Variants in UGGT1 observed in about 807,000 individuals in gnomAD.
UGGT1 encodes the protein UDP-glucose glycoprotein glucosyltransferase 1, also known as UDP-glucose:glycoprotein glucosyltransferase 1.
A neutral mutation model predicts 203.9 loss-of-function variants in UGGT1; 107 were observed. The observed-to-expected ratio is 0.52, with a 90% CI of 0.45 to 0.62. The LOEUF (loss-of-function observed/expected upper bound fraction) is 0.62, where lower values mean the gene tolerates loss of function less well. UGGT1 is among the 20% of genes least tolerant of loss of function. The pLI, the probability that UGGT1 is intolerant of heterozygous loss-of-function variation, is 0.00. For missense variants in UGGT1, 1,673 were observed against 1,867.2 expected (o/e 0.90, Z 1.92); for synonymous variants, 628 against 653.5 (o/e 0.96, Z 0.59).
Position 128,152,877 on chromosome 2 carries a change from C to T in UGGT1, c.2110C>T (p.Arg704Ter). 6.2e-7 allele frequency: 1 copy of T among 1,613,842 alleles called. No individual in the cohort carries two copies. Among genetic ancestry groups the T allele is most frequent in the African/African-American group, 1.3e-5 (1 of 74,972 alleles). Residue 704 changes from arginine (R) to a stop codon, truncating the protein, a stop_gained, in exon 19 of 41, where the codon CGA (arginine) becomes TGA (stop). Transcript: ENST00000259253. LOFTEE classifies it high-confidence loss of function. ...CAATTCTAGGATTTTGACAGCTGAA[C>T]GAGACTACCTGGATTTAACAGCGAG... ...RINSRILTAE[R>*]DYLDLTASNN... is the part of the protein sequence containing the mutation.
Position 128,133,161 on chromosome 2 carries a change from T to G in UGGT1, c.1398T>G (p.Val466=), listed in dbSNP as rs551771725. ...TGTAGTGGGTCAACAACCTGGAGGT[T>G]GATAGCAGATATAATTCGTGGCCTT... ...PAISWVNNLE[V]DSRYNSWPSS... Residue 466 remains valine, a synonymous_variant, in exon 14 of 41, where the codon GTT becomes GTG. Transcript: ENST00000259253. The G allele has an allele frequency of 6.2e-6, 10 of 1,614,090 alleles. No individual in the cohort carries two copies. In the East Asian group the frequency reaches 2.0e-4, roughly 32 times the overall value.
intron 31 of UGGT1, among the ~76,000 whole-genome samples, 178 bp from the exon 32 acceptor site, chr2:128,176,636 T>C (rs549438454): frequency 1.3e-5 from 2 of 152,276 alleles, no homozygotes; most frequent in Admixed American, 6.5e-5. Flanking sequence ...ATGCACCTTA[T>C]ATAAAGAGAG....
At chr2:128,153,074 A>G (rs1690052293) in intron 19 of UGGT1, among the ~76,000 whole-genome samples, 170 bp downstream of exon 19, 1 of 151,838 alleles carries the variant, frequency 6.6e-6, no homozygotes, top group Non-Finnish European at 1.5e-5. Context: ...TCATAATATG[A>G]GATTCTAAAT....
At chr2:128,169,739 CT>C (rs1396143203) in intron 26 of UGGT1, among the ~76,000 whole-genome samples, 8 of 152,196 alleles carry the variant, frequency 5.3e-5, no homozygotes, top group Non-Finnish European at 7.3e-5. Context: ...ATGTGGAAAT[CT>C]TTATGCTACA....
At chr2:128,140,573 G>A (rs1422246994) in intron 16 of UGGT1, 3 of 152,202 alleles carry the variant, frequency 2.0e-5, no homozygotes, top group African/African-American at 7.2e-5. Flanking sequence ...GACCATTGAA[G>A]CCAGGCTCCA....
At chr2:128,095,198 G>A (rs990363488) in intron 1 of UGGT1, among the ~76,000 whole-genome samples, 1 of 152,050 alleles carries the variant, frequency 6.6e-6, no homozygotes, top group Non-Finnish European at 1.5e-5. Context: ...GTTTCATTGT[G>A]TAAAATCTAG....
chr2:128,171,050 G>T lies in UGGT1; in HGVS notation c.3025-155G>T, dbSNP rs527444171. 7.2e-5 allele frequency among the ~76,000 whole-genome samples: 11 copies of T among 152,320 alleles called. No homozygotes were observed. In the South Asian group the frequency reaches 2.1e-3, roughly 29 times the overall value. Reference sequence around the variant, plus strand: ...GTCCTATGTATGTGTGATGTAGATTGTGCAGTAGAGTTGTGATTTCCAGAA... The same window carrying T: ...GTCCTATGTATGTGTGATGTAGATTTTGCAGTAGAGTTGTGATTTCCAGAA... On this transcript the variant is annotated intron_variant, in intron 27 of 40. Transcript: ENST00000259253.
chr2:128,142,568 GAGTGAGACTCCATCT>G (rs1689487952), intron 16 of UGGT1, among the ~76,000 whole-genome samples: 2 of 142,598 alleles, frequency 1.4e-5, no homozygotes, highest in African/African-American at 2.6e-5. Context: ...CTGGGTGACA[GAGTGAGACTCCATCT>G]CAAAAAAAAA....
chr2:128,189,838 C>T lies in UGGT1; in HGVS notation c.*96C>T, dbSNP rs867177707. ...TCTGTCTATACAACTGCTGATAAGC[C>T]GGCTGGGCAGGAGTGCCACACCTTT... On this transcript the variant is annotated 3_prime_UTR_variant, in exon 41 of 41. Transcript: ENST00000259253. The T allele has an allele frequency of 1.8e-5, 26 of 1,437,526 alleles. No homozygotes were observed. In the East Asian group the frequency reaches 2.1e-4, roughly 12 times the overall value. 89.0% of individuals were successfully genotyped at this position (1,437,526 alleles called of 1,614,324 possible).
At chr2:128,159,308 C>T (rs1049990992) in intron 22 of UGGT1, among the ~76,000 whole-genome samples, 6 of 151,822 alleles carry the variant, frequency 4.0e-5, no homozygotes, top group African/African-American at 1.2e-4. Context: ...ACTCTGTTGG[C>T]CAGGCTGGTC....
At position 128,091,250 on chromosome 2, in the gene UGGT1, G is replaced by C. The variant is rs1686841192; in HGVS notation, c.-108G>C. On this transcript the variant is annotated 5_prime_UTR_variant, in exon 1 of 41. Coordinates refer to ENST00000259253, the MANE Select transcript of UGGT1 (RefSeq NM_020120.4). The stretch of plus-strand genomic sequence containing the variant: ...GGGTGTTGAGTCGAGCCGCGGGAAA[G>C]GCGCGTGTCGGCCTCTCACTGGCGC... The C allele has an allele frequency of 8.2e-7, 1 of 1,226,666 alleles. No homozygotes were observed. Among genetic ancestry groups the C allele is most frequent in the Non-Finnish European group, 1.1e-6 (1 of 913,232 alleles). 76.0% of individuals were successfully genotyped at this position (1,226,666 alleles called of 1,614,324 possible).
chr2:128,179,665 A>G (rs996389466), intron 34 of UGGT1, 121 bp from the exon 35 acceptor site: 6 of 754,820 alleles, frequency 7.9e-6, no homozygotes, highest in African/African-American at 7.3e-5. Flanking sequence ...CCTCGGCCTA[A>G]TTGAGCCATT....
intron 2 of UGGT1, among the ~76,000 whole-genome samples, chr2:128,098,997 A>G (rs1687244066): frequency 6.6e-6 from 1 of 152,188 alleles, no homozygotes; most frequent in Non-Finnish European, 1.5e-5. Context: ...TGGAACTAGC[A>G]GAGACTTTCC....
intron 5 of UGGT1, among the ~76,000 whole-genome samples, chr2:128,112,794 G>C (rs1265763163): frequency 6.6e-6 from 1 of 151,566 alleles, no homozygotes; most frequent in Non-Finnish European, 1.5e-5. Flanking sequence ...ATGTTGCCCA[G>C]GCTTTGTCTT....
intron 8 of UGGT1, among the ~76,000 whole-genome samples, chr2:128,119,826 T>C (rs528348219): frequency 0.014 from 2,165 of 152,048 alleles, 62 homozygotes; most frequent in African/African-American, 0.049. Context: ...TTTCTTTTTT[T>C]CCCAGTATAA....
At position 128,145,845 on chromosome 2, in the gene UGGT1, C is replaced by T. The variant is rs748590265; in HGVS notation, c.1894C>T (p.Pro632Ser). The T allele has an allele frequency of 1.2e-5, 19 of 1,611,884 alleles. No individual in the cohort carries two copies. The highest frequency in any genetic ancestry group is 2.2e-5 in the East Asian group (1 of 44,780). Reference sequence around the variant, plus strand: ...TGAGCAGACTGGAGTTGGACCTCTGCCCGTTGTGCTGTTCAATGGAATGCC... The same window carrying T: ...TGAGCAGACTGGAGTTGGACCTCTGTCCGTTGTGCTGTTCAATGGAATGCC... ...YYEQTGVGPL[P>S]VVLFNGMPFE... The change falls in exon 18 of 41, where the codon CCC (proline) becomes TCC (serine). Residue 632 changes from proline (P) to serine (S), a missense_variant. Pro to Ser is a moderately conservative substitution (Grantham distance 74, BLOSUM62 -1). Around this residue, in one of 4 missense-constraint regions of UGGT1, gnomAD observed 1,073 missense variants for 1,078.7 expected, o/e 0.99. Transcript: ENST00000259253.
At chr2:128,158,413 C>T (rs1465487076) in intron 22 of UGGT1, among the ~76,000 whole-genome samples, 2 of 152,178 alleles carry the variant, frequency 1.3e-5, no homozygotes. Context: ...CTTCCCTCTT[C>T]TCATATTAGG....
intron 8 of UGGT1, among the ~76,000 whole-genome samples, chr2:128,119,034 A>C (rs185100524): frequency 6.6e-6 from 1 of 152,136 alleles, no homozygotes; most frequent in African/African-American, 2.4e-5. Flanking sequence ...TTAAACTAGA[A>C]CTAGAGTGTC....
chr2:128,104,642 AT>A (rs1314078877), intron 3 of UGGT1, among the ~76,000 whole-genome samples: 1 of 151,570 alleles, frequency 6.6e-6, no homozygotes. Context: ...GGTTATTATT[AT>A]TTTTTTTTAA....
Sources: allele counts gnomAD v4.1 joint callset (sites outside exome capture counted in the v4.1 genomes callset), GRCh38; gene constraint gnomAD v4.1.1; regional missense constraint gnomAD v4.1.1; transcripts MANE v1.5; gene names NCBI Gene and HGNC (gene_info 2026-07-23, HGNC 2026-07-21).